ABCA10: variants seen among roughly 807,000 people sequenced by gnomAD.
ABCA10 encodes ATP binding cassette subfamily A member 10, also known as ATP-binding cassette sub-family A member 10.
A neutral mutation model predicts 187.5 loss-of-function variants in ABCA10; 169 were observed. The ratio of observed to expected loss-of-function variants is 0.90; its 90% CI spans 0.80 to 1.02. The LOEUF (loss-of-function observed/expected upper bound fraction) is 1.02. ABCA10 is among the 50% of genes least tolerant of loss of function. The pLI, the probability that ABCA10 is intolerant of heterozygous loss-of-function variation, is 0.00. For missense variants in ABCA10, 1,727 were observed against 1,812.4 expected, an observed-to-expected ratio of 0.95 and a Z score of 0.86; for synonymous variants, 574 against 601.8, an observed-to-expected ratio of 0.95 and a Z score of 0.68.
At chr17:69,155,544 T>C (rs2074167332) in intron 29 of ABCA10, among the ~76,000 whole-genome samples, 1 of 152,172 alleles carries the variant, frequency 6.6e-6, no homozygotes, top group South Asian at 2.1e-4. Flanking sequence ...TTGCTAAAAT[T>C]GATTAAAAAA....
At chr17:69,205,561 G>C (rs1294300736) in intron 9 of ABCA10, among the ~76,000 whole-genome samples, 1 of 152,198 alleles carries the variant, frequency 6.6e-6, no homozygotes, top group Non-Finnish European at 1.5e-5. Context: ...CATTAGGTCA[G>C]AGTTTCAAAG....
In ABCA10 at chr17:69,190,414, G is replaced by A; in HGVS notation, c.2075C>T (p.Thr692Ile). 6.3e-7 allele frequency: 1 copy of A among 1,581,088 alleles called. No homozygotes were observed. The change falls in exon 18 of 39, where the codon ACA (threonine) becomes ATA (isoleucine). Residue 692 changes from threonine (T) to isoleucine (I), a missense_variant. Transcript: ENST00000690296. ...GTTCAAGAATACTTCATTCAGAGAT[G>A]TCACTGAAACAGCATAATTCCTTAT... ...QGIRNYAVSV[T>I]SLNEVFLNLE... is the part of the protein sequence containing the mutation.
At chr17:69,235,037 C>G (rs1306313427) in intron 1 of ABCA10, 1 of 152,114 alleles carries the variant, frequency 6.6e-6, no homozygotes, top group Non-Finnish European at 1.5e-5. Context: ...CACTGGTTTT[C>G]CCTTTTGAAG....
Position 69,164,988 on chromosome 17 carries a change from C to T in ABCA10, c.3258G>A (p.Leu1086=). ...CCTGGATCAATAACATGACATACCC[C>T]AGCAAAGTGAAGGAAGGTATGAAAA... The part of the protein sequence containing the change: ...CMIFIPSFTL[L]GYVMLLIQLD... The change falls in exon 26 of 39, where the codon CTG becomes CTA. Residue 1086 remains leucine, a synonymous_variant. Transcript: ENST00000690296. 6.2e-7 allele frequency: 1 copy of T among 1,613,118 alleles called. No individual in the cohort carries two copies. The highest frequency in any genetic ancestry group is 2.2e-5 in the East Asian group (1 of 44,802).
chr17:69,224,678 A>G (rs910007097), intron 3 of ABCA10, among the ~76,000 whole-genome samples: 6 of 135,440 alleles, frequency 4.4e-5, no homozygotes, highest in Non-Finnish European at 8.2e-5. Flanking sequence ...ATGCAGAAAA[A>G]GTCTTATGGG....
At chr17:69,151,338 A>G (rs1186972103) in intron 36 of ABCA10, among the ~76,000 whole-genome samples, 1 of 152,086 alleles carries the variant, frequency 6.6e-6, no homozygotes, top group East Asian at 1.9e-4. Context: ...TTGTATCTTC[A>G]TTTGCTTAAT....
chr17:69,184,849 ATGTGTGTG>A (rs139291537), intron 20 of ABCA10, among the ~76,000 whole-genome samples: 16 of 144,152 alleles, frequency 1.1e-4, no homozygotes, highest in African/African-American at 3.8e-4. Flanking sequence ...ATATATGTAT[ATGTGTGTG>A]TGTGTGTGTG....
chr17:69,178,371 T>C (rs542918427), intron 22 of ABCA10, among the ~76,000 whole-genome samples: 152 of 152,290 alleles, frequency 1.0e-3, no homozygotes, highest in Middle Eastern at 3.4e-3. Flanking sequence ...GACTCTTCTA[T>C]GCTAGTGGTT....
intron 6 of ABCA10, among the ~76,000 whole-genome samples, chr17:69,216,915 A>G (rs998288704): frequency 6.6e-6 from 1 of 152,180 alleles, no homozygotes; most frequent in African/African-American, 2.4e-5. Context: ...TCAGAATACC[A>G]TAGTGCTATT....
intron 9 of ABCA10, among the ~76,000 whole-genome samples, chr17:69,203,753 A>AT (rs575811015): frequency 8.5e-4 from 129 of 152,274 alleles, no homozygotes; most frequent in African/African-American, 3.0e-3. Flanking sequence ...ATGCTTTTGG[A>AT]TTTTTTGTAC....
intron 38 of ABCA10, 25 bp downstream of exon 38, chr17:69,149,008 G>C (rs1320632363): frequency 3.1e-6 from 5 of 1,613,606 alleles, no homozygotes; most frequent in Non-Finnish European, 4.2e-6. Flanking sequence ...TCTGGATGGT[G>C]CTCACTCGTT....
At chr17:69,231,837 ATGATCTG>A (rs1282335985), upstream of ABCA10, among the ~76,000 whole-genome samples, 3 of 97,292 alleles carry the variant, frequency 3.1e-5, no homozygotes, top group African/African-American at 1.9e-4. Flanking sequence ...TTCTGTCTGG[ATGATCTG>A]TCTATTCCAG....
upstream of ABCA10, chr17:69,233,665 T>C (rs954888172): frequency 6.6e-6 from 1 of 152,236 alleles, no homozygotes; most frequent in African/African-American, 2.4e-5. Context: ...TAGGCATTTA[T>C]TCTAGTTTCC....
At chr17:69,195,338 A>T (rs1050313936) in intron 11 of ABCA10, among the ~76,000 whole-genome samples, 10 of 152,068 alleles carry the variant, frequency 6.6e-5, no homozygotes, top group African/African-American at 1.4e-4. Context: ...AAACCGGTAT[A>T]AACAGTGTAT....
intron 1 of ABCA10, among the ~76,000 whole-genome samples, chr17:69,228,241 G>A (rs766129828): frequency 1.3e-5 from 2 of 151,706 alleles, no homozygotes; most frequent in Non-Finnish European, 1.5e-5. Context: ...AAAGAACACA[G>A]AAAAAAGGAA....
At chr17:69,175,555 CA>C in intron 22 of ABCA10, 42 bp from the exon 23 acceptor site, 1 of 1,424,198 alleles carries the variant, frequency 7.0e-7, no homozygotes, top group South Asian at 1.3e-5. Context: ...GCAATTGTTA[CA>C]AATTATACAA....
intron 22 of ABCA10, among the ~76,000 whole-genome samples, chr17:69,176,704 C>T (rs1178318825): frequency 2.0e-5 from 3 of 152,056 alleles, no homozygotes; most frequent in African/African-American, 7.2e-5. Context: ...TTGGTTGATG[C>T]ACATATCTGT....
At chr17:69,220,365 G>A (rs915148721) in intron 5 of ABCA10, among the ~76,000 whole-genome samples, 4 of 152,144 alleles carry the variant, frequency 2.6e-5, no homozygotes, top group African/African-American at 9.7e-5. Flanking sequence ...CAAATAAATA[G>A]ACTGTAGATA....
chr17:69,218,616 G>GAT (rs141879379), intron 6 of ABCA10, among the ~76,000 whole-genome samples: 3 of 149,158 alleles, frequency 2.0e-5, no homozygotes, highest in African/African-American at 5.1e-5. Flanking sequence ...TGAATGCATA[G>GAT]ATATATATAT....
Sources: allele counts gnomAD v4.1 joint callset (sites outside exome capture counted in the v4.1 genomes callset), GRCh38; gene constraint gnomAD v4.1.1; transcripts MANE v1.5; gene names NCBI Gene and HGNC (gene_info 2026-07-23, HGNC 2026-07-21).